PHF21B: variants seen among roughly 807,000 people sequenced by gnomAD.
The protein encoded by PHF21B is PHD finger protein 21B.
PHF21B carries 22 observed loss-of-function variants against 62.2 expected under a neutral mutation model. The ratio of observed to expected loss-of-function variants is 0.35; its 90% CI spans 0.25 to 0.51. The LOEUF is 0.51. Ranked by LOEUF, PHF21B falls within the 20% of genes least tolerant of loss-of-function variation. The probability of loss-of-function intolerance (pLI) is 0.97; values close to 1 mark genes in which losing one functional copy is unlikely to be tolerated. For synonymous variants in PHF21B, 341 were observed against 314.7 expected (o/e 1.08, Z -0.88); for missense variants, 701 against 707.9 (o/e 0.99, Z 0.11).
At chr22:44,942,976 G>A (rs1013620655) in intron 2 of PHF21B, among the ~76,000 whole-genome samples, 6 of 139,616 alleles carry the variant, frequency 4.3e-5, no homozygotes, top group South Asian at 4.7e-4. Flanking sequence ...ACCCACAGGC[G>A]GACCCCCAGC....
At chr22:44,928,073 C>T (rs1032073597) in intron 2 of PHF21B, among the ~76,000 whole-genome samples, 2 of 152,120 alleles carry the variant, frequency 1.3e-5, no homozygotes, top group Non-Finnish European at 2.9e-5. Flanking sequence ...CCACATGTGG[C>T]TCTGGAAAAA....
In PHF21B at chr22:44,885,966, G is replaced by A; in HGVS notation, c.1198-28C>T. 1.9e-6 allele frequency: 3 copies of A among 1,609,700 alleles called. No homozygotes were observed. In the Middle Eastern group the frequency reaches 5.0e-4, roughly 266 times the overall value. On this transcript the variant is annotated intron_variant, in intron 10 of 12. Transcript: ENST00000313237. The stretch of plus-strand genomic sequence containing the variant: ...GGGGAGCAGACGGGGAGATGAAAAA[G>A]TGGACAGGCCCTGGGACCTGCTGGG...
chr22:44,948,648 G>A (rs2072127471), intron 2 of PHF21B, among the ~76,000 whole-genome samples: 1 of 150,832 alleles, frequency 6.6e-6, no homozygotes, highest in South Asian at 2.1e-4. Context: ...CCGAGACTGT[G>A]CCACTGCACT....
chr22:44,997,096 G>A (rs538596667), intron 2 of PHF21B, among the ~76,000 whole-genome samples: 3 of 152,206 alleles, frequency 2.0e-5, no homozygotes, highest in South Asian at 4.2e-4. Flanking sequence ...GCCTGTTAAC[G>A]GGGCCCTCCC....
At chr22:44,925,484 C>T (rs2071611361) in intron 2 of PHF21B, among the ~76,000 whole-genome samples, 2 of 152,144 alleles carry the variant, frequency 1.3e-5, no homozygotes, top group African/African-American at 4.8e-5. Flanking sequence ...CCATGGGGGT[C>T]AAAACTCTGA....
Position 45,006,200 on chromosome 22 carries a change from A to G in PHF21B, c.120+2345T>C, listed in dbSNP as rs367593744. Among the ~76,000 whole-genome samples, 13 of 152,292 alleles carry G rather than the reference A, an allele frequency of 8.5e-5. No homozygotes were observed. In the East Asian group the frequency reaches 2.5e-3, roughly 29 times the overall value. On this transcript the variant is annotated intron_variant, in intron 2 of 12. Coordinates refer to ENST00000313237, the MANE Select transcript of PHF21B (RefSeq NM_138415.5). ...TCCCTCTTTTATGAGCCCTTGTTAT[A>G]TAAAATGCCACAAAGGGAAATGGAA...
rs1168570339 is a variant in PHF21B at position 44,900,552 on chromosome 22, C to T, written c.832-4469G>A. Among the ~76,000 whole-genome samples the T allele has an allele frequency of 4.6e-5, 7 of 152,314 alleles. 1 individual carries two copies. The highest frequency in any genetic ancestry group is 2.1e-4 in the South Asian group (1 of 4,832). Reference sequence around the variant, plus strand: ...CTGACCTCAAGTGATCCACCCGCCTCGGCCTCCTAAAGTGCTGAGATTACA... The same window carrying T: ...CTGACCTCAAGTGATCCACCCGCCTTGGCCTCCTAAAGTGCTGAGATTACA... On this transcript the variant is annotated intron_variant, in intron 5 of 12. Transcript: ENST00000313237.
chr22:44,900,782 T>A (rs1399929085), intron 5 of PHF21B, among the ~76,000 whole-genome samples: 2 of 128,950 alleles, frequency 1.6e-5, no homozygotes, highest in Admixed American at 7.9e-5. Flanking sequence ...CTAAAGTGAC[T>A]CTTTTTTTTT....
In PHF21B at chr22:44,889,883, C is replaced by T. The variant is rs2070929927; in HGVS notation, c.1016-101G>A. 13 of 1,274,916 alleles carry T rather than the reference C, an allele frequency of 1.0e-5. No homozygotes were observed. In the Admixed American group the frequency reaches 3.6e-4, roughly 35 times the overall value. 79.0% of individuals were successfully genotyped at this position (1,274,916 alleles called of 1,614,324 possible). On this transcript the variant is annotated intron_variant, in intron 8 of 12. Transcript: ENST00000313237. ...GCCTCATGTGGCAAGGGCTCTTACC[C>T]CAGGGCATGATGGGAGCATCATAAG...
chr22:44,887,033 G>A (rs892634971), intron 10 of PHF21B, among the ~76,000 whole-genome samples: 4 of 151,768 alleles, frequency 2.6e-5, no homozygotes, highest in African/African-American at 9.7e-5. Context: ...GCGCATGCCT[G>A]TAATCCCAGC....
At chr22:44,997,501 G>A (rs762896027) in intron 2 of PHF21B, among the ~76,000 whole-genome samples, 27 of 151,956 alleles carry the variant, frequency 1.8e-4, no homozygotes, top group Non-Finnish European at 1.8e-4. Context: ...AAATAATTCC[G>A]GCATTTATCT....
intron 2 of PHF21B, among the ~76,000 whole-genome samples, chr22:44,927,305 C>T (rs758583562): frequency 6.6e-6 from 1 of 152,124 alleles, no homozygotes; most frequent in Non-Finnish European, 1.5e-5. Context: ...AAACCAACGG[C>T]CTGTGTGCCC....
intron 2 of PHF21B, among the ~76,000 whole-genome samples, chr22:44,985,517 G>T (rs1048303469): frequency 2.6e-5 from 4 of 151,680 alleles, no homozygotes; most frequent in African/African-American, 9.7e-5. Flanking sequence ...AGGATCGCTG[G>T]AACCCAGGAG....
intron 2 of PHF21B, among the ~76,000 whole-genome samples, chr22:44,922,018 G>A (rs2071547350): frequency 6.6e-6 from 1 of 152,220 alleles, no homozygotes; most frequent in Admixed American, 6.5e-5. Flanking sequence ...GATGGGGAGA[G>A]AGGGAACCCC....
At chr22:44,998,822 C>A (rs576985144) in intron 2 of PHF21B, among the ~76,000 whole-genome samples, 1 of 152,286 alleles carries the variant, frequency 6.6e-6, no homozygotes, top group South Asian at 2.1e-4. Context: ...CCTGGCTGCA[C>A]CTCGGGAATC....
intron 5 of PHF21B, among the ~76,000 whole-genome samples, chr22:44,908,998 C>T (rs1164757660): frequency 6.6e-6 from 1 of 152,138 alleles, no homozygotes; most frequent in East Asian, 1.9e-4. Context: ...AGGTTTCACC[C>T]TATTGACCAG....
Position 45,009,064 on chromosome 22 carries a change from A to C in PHF21B, c.54+432T>G, listed in dbSNP as rs1271456505. The C allele has an allele frequency of 9.0e-7, 1 of 1,115,484 alleles. No homozygotes were observed. Among genetic ancestry groups the C allele is most frequent in the East Asian group, 4.5e-5 (1 of 22,312 alleles). The allele number at this position is 1,115,484 out of a possible 1,614,324, so 69.1% of individuals were successfully genotyped here. ...GAGCCCCGCTCAGGCTCCGGCCGCC[A>C]CGCCGCCGCTCGCCAGCAGCGATCG... On this transcript the variant is annotated intron_variant, in intron 1 of 12. Coordinates refer to ENST00000313237, the MANE Select transcript of PHF21B (RefSeq NM_138415.5). The surrounding 1 kb of genome is among the most constrained non-coding windows in gnomAD (Gnocchi z 5.9).
chr22:44,959,180 A>G (rs1228176904), intron 2 of PHF21B, among the ~76,000 whole-genome samples: 1 of 152,032 alleles, frequency 6.6e-6, no homozygotes, highest in Non-Finnish European at 1.5e-5. Context: ...GAGACTGCTG[A>G]TGATCTGCTC....
At position 44,966,709 on chromosome 22, in the gene PHF21B, G is replaced by A. The variant is rs893376150; in HGVS notation, c.120+41836C>T. 3.3e-5 allele frequency among the ~76,000 whole-genome samples: 5 copies of A among 152,276 alleles called. No homozygotes were observed. The East Asian group carries it at 5.8e-4, about 18-fold the overall frequency. On this transcript the variant is annotated intron_variant, in intron 2 of 12. Coordinates refer to ENST00000313237, the MANE Select transcript of PHF21B (RefSeq NM_138415.5). ...CCAGCATGAGGTAGCGGTAGCCCCC[G>A]CAGTAACCTCCAGCAAAGCCATCAA...
Sources: allele counts gnomAD v4.1 joint callset (sites outside exome capture counted in the v4.1 genomes callset), GRCh38; gene constraint gnomAD v4.1.1; non-coding constraint Gnocchi (gnomAD v3.1); transcripts MANE v1.5; gene names NCBI Gene and HGNC (gene_info 2026-07-23, HGNC 2026-07-21).